CCDC187: variants seen among roughly 807,000 people sequenced by gnomAD.
CCDC187 encodes the protein coiled-coil domain-containing protein 187.
In CCDC187, 32 loss-of-function variants were observed where a neutral mutation model predicts 38.0. That is an observed-to-expected ratio of 0.84 (90% CI 0.64 to 1.13). The LOEUF (loss-of-function observed/expected upper bound fraction) is 1.13, where lower values mean the gene tolerates loss of function less well. Ranked by LOEUF, CCDC187 falls within the 50% of genes most tolerant of loss-of-function variation. The pLI is 0.00. For missense variants in CCDC187, 707 were observed against 786.8 expected (o/e 0.90, Z 1.21); for synonymous variants, 333 against 347.9 (o/e 0.96, Z 0.48).
At chr9:136,268,941 G>A (rs1554762008) in intron 14 of CCDC187, among the ~76,000 whole-genome samples, 1 of 152,196 alleles carries the variant, frequency 6.6e-6, no homozygotes, top group Non-Finnish European at 1.5e-5. Flanking sequence ...CTGGGTAGAG[G>A]AGACAGCAGA....
chr9:136,271,733 G>A (rs906096753), intron 14 of CCDC187, among the ~76,000 whole-genome samples: 1 of 145,882 alleles, frequency 6.9e-6, no homozygotes, highest in Non-Finnish European at 1.5e-5. Flanking sequence ...TCAGCCTCCC[G>A]AGTAGCTGGG....
intron 7 of CCDC187, among the ~76,000 whole-genome samples, chr9:136,287,840 G>A (rs1831217985): frequency 6.6e-6 from 1 of 152,194 alleles, no homozygotes; most frequent in Non-Finnish European, 1.5e-5. Flanking sequence ...CATGGGGACA[G>A]AGTGTCAGTT....
intron 9 of CCDC187, among the ~76,000 whole-genome samples, chr9:136,283,874 GAC>G (rs1210971125): frequency 6.6e-6 from 1 of 152,304 alleles, no homozygotes. Context: ...CATTGCAGGC[GAC>G]AGAGGCGAGG....
chr9:136,274,279 G>A (rs1418751933), intron 14 of CCDC187, among the ~76,000 whole-genome samples: 2 of 152,338 alleles, frequency 1.3e-5, no homozygotes, highest in Admixed American at 6.5e-5. Context: ...CCGAGCTGCC[G>A]CATTCACCCT....
intron 10 of CCDC187, among the ~76,000 whole-genome samples, chr9:136,277,864 C>T (rs1339585328): frequency 1.3e-5 from 2 of 152,172 alleles, no homozygotes; most frequent in Non-Finnish European, 2.9e-5. Context: ...ATCCCCACTC[C>T]GACTGTCCCA....
chr9:136,270,235 G>GC (rs1830818112), intron 14 of CCDC187, among the ~76,000 whole-genome samples: 1 of 152,192 alleles, frequency 6.6e-6, no homozygotes, highest in African/African-American at 2.4e-5. Flanking sequence ...AAACAGCTGG[G>GC]CCCGGGGGAC....
chr9:136,286,335 C>G lies in CCDC187; in HGVS notation c.2583G>C (p.Leu861=), dbSNP rs1831180561. Residue 861 remains leucine (L), a synonymous_variant, in exon 8 of 26, where the codon CTG becomes CTC. Coordinates refer to ENST00000638797, the MANE Select transcript of CCDC187 (RefSeq NM_001378188.1). ...LDTVRDPAVG[L]LRSCPHSLPA... ...GTAGGCTGTGGGGGCACGAGCGCAG[C>G]AGGCCCACAGCTGGGTCCCTGACGG... 1.5e-5 allele frequency: 6 copies of G among 398,616 alleles called. 1 individual carries two copies. The highest frequency in any genetic ancestry group is 2.7e-5 in the Non-Finnish European group (6 of 226,042). 24.7% of individuals were successfully genotyped at this position (398,616 alleles called of 1,614,324 possible). A position where few individuals can be genotyped will look rare whatever the true frequency, so the allele number is the denominator to read the frequency against.
rs377264980 is a variant in CCDC187, at chr9:136,257,468, C to T, written c.4367-627G>A. Among the ~76,000 whole-genome samples the T allele has an allele frequency of 9.9e-5, 15 of 152,236 alleles. No homozygotes were observed. The highest frequency in any genetic ancestry group is 9.7e-4 in the East Asian group (5 of 5,172). ...TTTGCCAGAGCTTGTTCTTCCCCCT[C>T]GGTGCCGTCCGACAGACACTGGTGT... On this transcript the variant is annotated intron_variant, in intron 22 of 25. Transcript: ENST00000638797. This position sits in a 1 kb window ranked among gnomAD's most constrained non-coding sequence, Gnocchi z 4.5.
chr9:136,293,980 TCA>T (rs1280845736), intron 4 of CCDC187, among the ~76,000 whole-genome samples: 23 of 143,188 alleles, frequency 1.6e-4, no homozygotes, highest in South Asian at 8.8e-4. Flanking sequence ...TCACATGCTC[TCA>T]CACACACACT....
chr9:136,268,328 G>C (rs1372580879), intron 14 of CCDC187, among the ~76,000 whole-genome samples: 1 of 152,220 alleles, frequency 6.6e-6, no homozygotes, highest in African/African-American at 2.4e-5. Context: ...TGAAGTTGTG[G>C]TTTGTGACCC....
At chr9:136,275,986 A>G (rs1039215493) in intron 12 of CCDC187, among the ~76,000 whole-genome samples, 283 of 152,222 alleles carry the variant, frequency 1.9e-3, no homozygotes, top group African/African-American at 6.5e-3. Flanking sequence ...CCCCAGTGCC[A>G]GCGCCCCCAG....
chr9:136,250,839 A>G lies in CCDC187; in HGVS notation c.*2755T>C, dbSNP rs781813035. The G allele has an allele frequency of 2.6e-5, 12 of 456,008 alleles. No individual in the cohort carries two copies. The highest frequency in any genetic ancestry group is 1.7e-4 in the South Asian group (11 of 64,564). The allele number at this position is 456,008 out of a possible 1,614,324, so 28.2% of individuals were successfully genotyped here. On this transcript the variant is annotated 3_prime_UTR_variant, in exon 26 of 26. Transcript: ENST00000638797. ...CAGCCGCCCCGGGGCTGGAGAAGGC[A>G]GGCTGGGTCCAGCTGCTCCCGGGCG...
chr9:136,279,390 A>G (rs1005794666), intron 10 of CCDC187, among the ~76,000 whole-genome samples: 2 of 152,214 alleles, frequency 1.3e-5, no homozygotes, highest in Non-Finnish European at 2.9e-5. Flanking sequence ...AACTAGACCC[A>G]ACAGACTCCT....
rs1031262830 is a variant in CCDC187 at position 136,253,840 on chromosome 9, G to C, written c.5988C>G (p.Ser1996=). 14 of 985,140 alleles carry C rather than the reference G, an allele frequency of 1.4e-5. No individual in the cohort carries two copies. The highest frequency in any genetic ancestry group is 1.2e-4 in the Admixed American group (2 of 16,240). 61.0% of individuals were successfully genotyped at this position (985,140 alleles called of 1,614,324 possible). Residue 1996 remains serine (S), a synonymous_variant, in exon 26 of 26, where the codon TCC becomes TCG. Transcript: ENST00000638797. ...EILSPVDELL[S]YGSADLPSSI... Reference sequence around the variant, plus strand: ...AGGACGGGAGGTCGGCACTGCCGTAGGACAGCAACTCGTCCACGGGAGACA... The same window carrying C: ...AGGACGGGAGGTCGGCACTGCCGTACGACAGCAACTCGTCCACGGGAGACA...
Position 136,254,179 on chromosome 9 carries a change from G to C in CCDC187, c.5649C>G (p.Asp1883Glu), listed in dbSNP as rs1464425744. The C allele has an allele frequency of 2.0e-6, 2 of 985,498 alleles. No homozygotes were observed. Among genetic ancestry groups the C allele is most frequent in the Non-Finnish European group, 2.4e-6 (2 of 829,966 alleles). 61.0% of individuals were successfully genotyped at this position (985,498 alleles called of 1,614,324 possible). Residue 1883 changes from aspartate to glutamate, a missense_variant, in exon 26 of 26, where the codon GAC (aspartate) becomes GAG (glutamate). Transcript: ENST00000638797. ...AAGGAAAGACCAGCAGTGAGTCCGA[G>C]TCACCGGCAGAAGAGATTTGCAGCG... ...VFPLQISSAG[D>E]SDSLLVFPSW...
intron 14 of CCDC187, among the ~76,000 whole-genome samples, chr9:136,269,645 A>G (rs1830807408): frequency 6.6e-6 from 1 of 152,188 alleles, no homozygotes; most frequent in African/African-American, 2.4e-5. Flanking sequence ...AGACTGTCTC[A>G]AAAGGAAAAA....
At chr9:136,302,723 G>T (rs922499959) in intron 2 of CCDC187, 89 bp downstream of exon 2, 5 of 398,278 alleles carry the variant, frequency 1.3e-5, no homozygotes, top group Non-Finnish European at 2.2e-5. Flanking sequence ...CCCCCACCAC[G>T]TGTCCAGCAC....
At chr9:136,282,002 T>A (rs907995756) in intron 9 of CCDC187, among the ~76,000 whole-genome samples, 1 of 152,142 alleles carries the variant, frequency 6.6e-6, no homozygotes, top group African/African-American at 2.4e-5. Context: ...CTCGGAGCTC[T>A]GCACTCGGAC....
In CCDC187 at chr9:136,293,388, T is replaced by C. The variant is rs1416447725; in HGVS notation, c.833-1093A>G. On this transcript the variant is annotated intron_variant, in intron 4 of 25. Transcript: ENST00000638797. ...ACATGCTCACACACTCACACTCACA[T>C]GCTCACACACTCACAAACACTCACA... 5.2e-5 allele frequency among the ~76,000 whole-genome samples: 6 copies of C among 116,480 alleles called. 1 individual carries two copies. The highest frequency in any genetic ancestry group is 1.7e-4 in the Admixed American group (2 of 11,438). 76.4% of individuals were successfully genotyped at this position (116,480 alleles called of 152,430 possible). A position where few individuals can be genotyped will look rare whatever the true frequency, so the allele number is the denominator to read the frequency against.
Sources: gnomAD v4.1 joint callset for allele counts (sites outside exome capture counted in the v4.1 genomes callset) on GRCh38, gnomAD v4.1.1 for gene constraint, Gnocchi (gnomAD v3.1) non-coding constraint, MANE v1.5 for transcripts, NCBI Gene and HGNC (gene_info 2026-07-23, HGNC 2026-07-21) for gene names.